Variants in NDUFAF6 observed in about 807,000 individuals in gnomAD.
The protein encoded by NDUFAF6 is NADH:ubiquinone oxidoreductase complex assembly factor 6.
NDUFAF6 carries 45 observed loss-of-function variants against 40.8 expected under a neutral mutation model. The ratio of observed to expected loss-of-function variants is 1.10; its 90% CI spans 0.87 to 1.42. The LOEUF is 1.42. Ranked by LOEUF, NDUFAF6 falls within the 40% of genes most tolerant of loss-of-function variation. The pLI, the probability that NDUFAF6 is intolerant of heterozygous loss-of-function variation, is 0.00. For missense variants in NDUFAF6, 435 were observed against 418.5 expected, an observed-to-expected ratio of 1.04 and a Z score of -0.34; for synonymous variants, 185 against 155.9, an observed-to-expected ratio of 1.19 and a Z score of -1.39.
chr8:95,070,101 CT>C (rs1832803642), intron 9 of NDUFAF6, among the ~76,000 whole-genome samples: 1 of 151,744 alleles, frequency 6.6e-6, no homozygotes, highest in South Asian at 2.1e-4. Flanking sequence ...AGAGGGCCTC[CT>C]TTTTTGAGAG....
At chr8:94,972,950 A>G (rs1824598517) in intron 1 of NDUFAF6, among the ~76,000 whole-genome samples, 1 of 151,232 alleles carries the variant, frequency 6.6e-6, no homozygotes, top group Non-Finnish European at 1.5e-5. Context: ...GGTGCCTCAC[A>G]TCTGTAATCT....
At chr8:95,074,952 G>T (rs191334526) in intron 9 of NDUFAF6, among the ~76,000 whole-genome samples, 140 of 152,232 alleles carry the variant, frequency 9.2e-4, no homozygotes, top group Non-Finnish European at 1.8e-3. Context: ...AAGAAAGCAG[G>T]AATGATTATC....
At chr8:94,922,899 C>T (rs1457926881) in intron 1 of NDUFAF6, among the ~76,000 whole-genome samples, 1 of 152,154 alleles carries the variant, frequency 6.6e-6, no homozygotes, top group Non-Finnish European at 1.5e-5. Context: ...CAGTTGCACA[C>T]AAAAGAATTG....
chr8:94,977,598 TTC>T (rs34370955), intron 1 of NDUFAF6, among the ~76,000 whole-genome samples: 22 of 149,442 alleles, frequency 1.5e-4, no homozygotes, highest in East Asian at 9.8e-4. Flanking sequence ...CCCTGCTGGG[TTC>T]TCTCTCTCTC....
At chr8:95,069,385 A>G (rs1832778595) in intron 9 of NDUFAF6, 1 of 151,882 alleles carries the variant, frequency 6.6e-6, no homozygotes, top group Non-Finnish European at 1.5e-5. Context: ...TGCATTATCT[A>G]CAGAAGACTA....
rs150521624 is a variant in NDUFAF6, at chr8:95,036,892, A to G, written c.420+1316A>G. The stretch of plus-strand genomic sequence containing the variant: ...ACCGGTGTTGAAGCTGAACGTGAAT[A>G]TTTGAAAGATGCAGGTCATGTTCAG... On this transcript the variant is annotated intron_variant, in intron 3 of 8. Transcript: ENST00000396124. 4.7e-3 allele frequency among the ~76,000 whole-genome samples: 712 copies of G among 152,318 alleles called. 9 individuals are homozygous for G. Among genetic ancestry groups the G allele is most frequent in the African/African-American group, 0.016 (668 of 41,562 alleles).
chr8:95,017,479 A>T (rs10113545), intron 2 of NDUFAF6, among the ~76,000 whole-genome samples: 21,859 of 152,188 alleles, frequency 0.14, 1,597 homozygotes, highest in Middle Eastern at 0.25. Context: ...CATACAGGTC[A>T]GCCCTCCAGG....
intron 1 of NDUFAF6, among the ~76,000 whole-genome samples, chr8:94,916,144 A>G (rs1482691197): frequency 1.3e-5 from 2 of 152,210 alleles, no homozygotes; most frequent in East Asian, 3.8e-4. Flanking sequence ...AGCTGGGGGA[A>G]GTAGCAAGAT....
chr8:94,989,578 C>T (rs1236269326), intron 2 of NDUFAF6, among the ~76,000 whole-genome samples: 1 of 152,192 alleles, frequency 6.6e-6, no homozygotes, highest in African/African-American at 2.4e-5. Context: ...AATCAATGGT[C>T]AAACTAATGA....
chr8:95,040,538 C>T lies in NDUFAF6; in HGVS notation c.421-1032C>T, dbSNP rs550301080. 3.9e-5 allele frequency among the ~76,000 whole-genome samples: 6 copies of T among 152,344 alleles called. No individual in the cohort carries two copies. In the East Asian group the frequency reaches 1.2e-3, roughly 29 times the overall value. ...TCTTATAGTTGCAAAATGATAACTTCTCAACTTCAGTACTTGGTCCACATT... is the reference window on the plus strand; with the variant it reads ...TCTTATAGTTGCAAAATGATAACTTTTCAACTTCAGTACTTGGTCCACATT... On this transcript the variant is annotated intron_variant, in intron 3 of 8. Coordinates refer to ENST00000396124, the MANE Select transcript of NDUFAF6 (RefSeq NM_152416.4).
intron 1 of NDUFAF6, among the ~76,000 whole-genome samples, chr8:94,979,718 G>A (rs1365921753): frequency 1.3e-5 from 2 of 152,150 alleles, no homozygotes; most frequent in Non-Finnish European, 2.9e-5. Flanking sequence ...ATAATGCTAA[G>A]GGAAAAGGCA....
In NDUFAF6 at chr8:95,025,043, C is replaced by A. The variant is rs528386463; in HGVS notation, c.35C>A (p.Pro12Gln). 4 of 1,418,662 alleles carry A rather than the reference C, an allele frequency of 2.8e-6. No individual in the cohort carries two copies. The highest frequency in any genetic ancestry group is 3.0e-5 in the African/African-American group (2 of 66,986). The allele number at this position is 1,418,662 out of a possible 1,614,324, so 87.9% of individuals were successfully genotyped here. A position where few individuals can be genotyped will look rare whatever the true frequency, so the allele number is the denominator to read the frequency against. The stretch of plus-strand genomic sequence containing the variant: ...TCCGCGCACGGCTCTGTCTGGGGGC[C>A]GTTGCGGCTTGGCATCCCCGGCCTG... ...AASAHGSVWG[P>Q]LRLGIPGLCC... is the part of the protein sequence containing the mutation. Residue 12 changes from proline (P) to glutamine (Q), a missense_variant, in exon 1 of 9, where the codon CCG becomes CAG. By Grantham distance (76) the Pro-to-Gln change is moderately conservative (BLOSUM62 -1). Coordinates refer to ENST00000396124, the MANE Select transcript of NDUFAF6 (RefSeq NM_152416.4).
At chr8:94,926,299 A>C (rs1187585393) in intron 1 of NDUFAF6, 1 of 152,616 alleles carries the variant, frequency 6.6e-6, no homozygotes, top group Non-Finnish European at 1.5e-5. Context: ...ATGTGTCGAG[A>C]AACACATTAA....
At chr8:95,082,604 A>G (rs1199026265) in intron 2 of NDUFAF6, among the ~76,000 whole-genome samples, 2 of 151,818 alleles carry the variant, frequency 1.3e-5, no homozygotes, top group Non-Finnish European at 2.9e-5. Flanking sequence ...AGGAGCTTTC[A>G]TATGTTCATG....
intron 1 of NDUFAF6, among the ~76,000 whole-genome samples, chr8:94,897,753 C>T (rs1370305589): frequency 7.4e-6 from 1 of 134,374 alleles, no homozygotes. Context: ...CTTCACAGAT[C>T]CTTTTCCCTG....
chr8:95,056,688 C>T (rs1261745537), intron 8 of NDUFAF6, among the ~76,000 whole-genome samples: 6 of 151,850 alleles, frequency 4.0e-5, no homozygotes, highest in East Asian at 1.9e-4. Flanking sequence ...GGATGGATCA[C>T]GAGGTCAGGA....
chr8:95,035,397 C>T, intron 2 of NDUFAF6, 57 bp from the exon 3 acceptor site: 2 of 1,588,838 alleles, frequency 1.3e-6, no homozygotes, highest in East Asian at 2.2e-5. Context: ...CTCAAAGATA[C>T]TGATTTTTTA....
chr8:95,107,381 G>A (rs1444208395), downstream of NDUFAF6, among the ~76,000 whole-genome samples: 4 of 152,122 alleles, frequency 2.6e-5, no homozygotes, highest in African/African-American at 9.7e-5. Context: ...CACAAGAACA[G>A]AAAACCAAAC....
At position 94,974,388 on chromosome 8, in the gene NDUFAF6, G is replaced by C. The variant is rs892920043; in HGVS notation, c.-198-6471G>C. 7.2e-5 allele frequency among the ~76,000 whole-genome samples: 11 copies of C among 152,184 alleles called. No individual in the cohort carries two copies. In the East Asian group the frequency reaches 2.1e-3, roughly 29 times the overall value. ...ACCTCACCTACTTTCCTGATTCAAA[G>C]AAACTTGCCCCCAGCAAGACTGGGC... is the stretch of plus-strand genomic sequence containing the variant. On this transcript the variant is annotated intron_variant, in intron 1 of 9. Transcript: ENST00000396111.
Sources: gnomAD v4.1 joint callset for allele counts (sites outside exome capture counted in the v4.1 genomes callset) on GRCh38, gnomAD v4.1.1 for gene constraint, MANE v1.5 for transcripts, NCBI Gene and HGNC (gene_info 2026-07-23, HGNC 2026-07-21) for gene names.